Variants in TDRD12 observed in about 807,000 individuals in gnomAD.
The protein encoded by TDRD12 is tudor domain containing 12.
In TDRD12, 158 loss-of-function variants were observed where a neutral mutation model predicts 133.5. That is an observed-to-expected ratio of 1.18 (90% CI 1.04 to 1.35). The LOEUF (loss-of-function observed/expected upper bound fraction) is 1.35, where lower values mean the gene tolerates loss of function less well. TDRD12 is among the 40% of genes most tolerant of loss of function. The pLI, the probability that TDRD12 is intolerant of heterozygous loss-of-function variation, is 0.00. For synonymous variants in TDRD12, 460 were observed against 477.9 expected, an observed-to-expected ratio of 0.96 and a Z score of 0.49; for missense variants, 1,443 against 1,321.3, an observed-to-expected ratio of 1.09 and a Z score of -1.43.
chr19:32,800,671 A>G, exon 18 of TDRD12: 1 of 1,535,570 alleles, frequency 6.5e-7, no homozygotes. Flanking sequence ...AGAATGTGAA[A>G]AAACTTCTTC....
At chr19:32,737,637 C>G (rs1422544462) in intron 2 of TDRD12, among the ~76,000 whole-genome samples, 1 of 152,170 alleles carries the variant, frequency 6.6e-6, no homozygotes, top group African/African-American at 2.4e-5. Flanking sequence ...TCAAGCGATC[C>G]TCCCACCTCA....
intron 4 of TDRD12, among the ~76,000 whole-genome samples, chr19:32,747,534 C>G (rs1368591685): frequency 6.6e-6 from 1 of 152,158 alleles, no homozygotes; most frequent in Non-Finnish European, 1.5e-5. Flanking sequence ...GAACATCATT[C>G]TGACCTGACA....
chr19:32,777,358 T>C, intron 11 of TDRD12, 129 bp downstream of exon 11: 1 of 627,952 alleles, frequency 1.6e-6, no homozygotes, highest in Non-Finnish European at 2.6e-6. Context: ...ATGTACAGTA[T>C]ATCTCCTGTA....
chr19:32,802,767 C>T (rs1430656673), exon 20 of TDRD12: 6 of 1,536,614 alleles, frequency 3.9e-6, no homozygotes, highest in Non-Finnish European at 8.7e-7. Flanking sequence ...TATTGCATGT[C>T]TGATCATTTT....
chr19:32,801,980 G>C, intron 19 of TDRD12, 107 bp downstream of exon 19: 1 of 455,508 alleles, frequency 2.2e-6, no homozygotes, highest in Non-Finnish European at 3.8e-6. Context: ...TATTCCCCAG[G>C]TTTACTGAGA....
chr19:32,806,966 A>G (rs1971568915), intron 21 of TDRD12, among the ~76,000 whole-genome samples: 1 of 152,164 alleles, frequency 6.6e-6, no homozygotes, highest in Non-Finnish European at 1.5e-5. Flanking sequence ...TCGGCCTCAA[A>G]TACTGACTTT....
intron 5 of TDRD12, among the ~76,000 whole-genome samples, chr19:32,749,457 A>G (rs988380222): frequency 2.0e-5 from 3 of 152,122 alleles, no homozygotes; most frequent in Non-Finnish European, 2.9e-5. Flanking sequence ...TGAGTCTCTA[A>G]GGGAGTAGCC....
intron 6 of TDRD12, among the ~76,000 whole-genome samples, chr19:32,752,942 G>A (rs909143113): frequency 6.6e-6 from 1 of 151,742 alleles, no homozygotes; most frequent in Non-Finnish European, 1.5e-5. Flanking sequence ...ACAGGCACCC[G>A]CCACCACGCC....
intron 24 of TDRD12, 24 bp downstream of exon 24, chr19:32,811,444 T>C: frequency 1.3e-6 from 2 of 1,515,828 alleles, no homozygotes; most frequent in South Asian, 1.2e-5. Context: ...GCTTTTTATC[T>C]ATTGTTGACT....
chr19:32,807,450 A>C, intron 21 of TDRD12, 99 bp from the exon 22 acceptor site: 1 of 734,238 alleles, frequency 1.4e-6, no homozygotes, highest in South Asian at 2.3e-5. Context: ...AATAAAAGTT[A>C]TCTGATTTAG....
intron 6 of TDRD12, among the ~76,000 whole-genome samples, chr19:32,755,258 A>C (rs1290467153): frequency 6.6e-6 from 1 of 152,200 alleles, no homozygotes; most frequent in Non-Finnish European, 1.5e-5. Flanking sequence ...TCTCTCGAGC[A>C]TTACCTAGGA....
Position 32,742,902 on chromosome 19 carries a change from T to C in TDRD12, c.440+2T>C. Reference sequence around the variant, plus strand: ...CTGCCGAGACAGTACTGACATTGTGTAAGTACAGTTTCTTAAGTCCTTCGA... The same window carrying C: ...CTGCCGAGACAGTACTGACATTGTGCAAGTACAGTTTCTTAAGTCCTTCGA... On this transcript the variant is annotated splice_donor_variant, in intron 4 of 27. Transcript: ENST00000444215. LOFTEE classifies it high-confidence loss of function. 1.3e-6 allele frequency: 2 copies of C among 1,550,600 alleles called. No individual in the cohort carries two copies. The highest frequency in any genetic ancestry group is 1.7e-6 in the Non-Finnish European group (2 of 1,146,762).
intron 11 of TDRD12, among the ~76,000 whole-genome samples, chr19:32,784,510 G>A (rs1970852063): frequency 6.6e-6 from 1 of 152,144 alleles, no homozygotes; most frequent in African/African-American, 2.4e-5. Flanking sequence ...CATAAAATGA[G>A]TTAGGAAGGA....
Position 32,731,976 on chromosome 19 carries a change from G to A in TDRD12, c.183+93G>A, listed in dbSNP as rs188698923. 139 of 1,315,386 alleles carry A rather than the reference G, an allele frequency of 1.1e-4. 1 individual carries two copies. The African/African-American group carries it at 1.8e-3, about 17-fold the overall frequency. 81.5% of individuals were successfully genotyped at this position (1,315,386 alleles called of 1,614,324 possible). A position where few individuals can be genotyped will look rare whatever the true frequency, so the allele number is the denominator to read the frequency against. On this transcript the variant is annotated intron_variant, in intron 2 of 27. Coordinates refer to ENST00000444215, the Ensembl canonical transcript of TDRD12. ...AACGATGATGATTCAAGCTTTTAGAGTATTTTAGTTTCTTACACTCAGTGC... is the reference window on the plus strand; with the variant it reads ...AACGATGATGATTCAAGCTTTTAGAATATTTTAGTTTCTTACACTCAGTGC...
In TDRD12 at chr19:32,742,794, G is replaced by A. The variant is rs1258798258; in HGVS notation, c.334G>A (p.Val112Ile). ...TTTACTTTTTAGCATCCGAGTTGTA[G>A]TAGAATCGTTTATGCAGCTTCCCTA... Residue 112 changes from valine (V) to isoleucine (I), a missense_variant, in exon 4 of 28, where the codon GTA becomes ATA. Transcript: ENST00000444215. 75 of 1,551,556 alleles carry A rather than the reference G, an allele frequency of 4.8e-5. 1 individual carries two copies. The East Asian group carries it at 1.1e-3, about 24-fold the overall frequency.
intron 27 of TDRD12, 115 bp downstream of exon 27, chr19:32,818,272 C>T (rs1232754134): frequency 6.5e-6 from 4 of 614,186 alleles, no homozygotes; most frequent in Non-Finnish European, 1.2e-5. Context: ...GAGGGAAGGA[C>T]TGGGCTGTGA....
At chr19:32,827,012 A>T (rs1967614093) in intron 9 of TDRD12, among the ~76,000 whole-genome samples, 152 bp from the exon 33 acceptor site, 1 of 152,168 alleles carries the variant, frequency 6.6e-6, no homozygotes, top group Non-Finnish European at 1.5e-5. Flanking sequence ...GACCAATTTG[A>T]CCTGCTCATT....
chr19:32,727,803 G>A (rs2145420997), intron 1 of TDRD12, among the ~76,000 whole-genome samples: 1 of 152,232 alleles, frequency 6.6e-6, no homozygotes, highest in East Asian at 1.9e-4. Context: ...TGAGTAGCTG[G>A]GATTACGGGC....
At position 32,811,073 on chromosome 19, in the gene TDRD12, A is replaced by G. The variant is rs920880704; in HGVS notation, c.2838-137A>G. 33 of 647,422 alleles carry G rather than the reference A, an allele frequency of 5.1e-5. 1 individual carries two copies. In the South Asian group the frequency reaches 6.6e-4, roughly 13 times the overall value. The allele number at this position is 647,422 out of a possible 1,614,324, so 40.1% of individuals were successfully genotyped here. ...CACCACTTGAATTTTTGAAGGCCTT[A>G]GTTTTTTATTTCTAGTATAGAGTAA... is the stretch of plus-strand genomic sequence containing the variant. On this transcript the variant is annotated intron_variant, in intron 23 of 27. Coordinates refer to ENST00000444215, the Ensembl canonical transcript of TDRD12.
Sources: allele counts gnomAD v4.1 joint callset (sites outside exome capture counted in the v4.1 genomes callset), GRCh38; gene constraint gnomAD v4.1.1; transcripts MANE v1.5; gene names NCBI Gene and HGNC (gene_info 2026-07-23, HGNC 2026-07-21).